The following SAMD7 variants were observed in gnomAD, a reference collection of about 807,000 sequenced individuals.
The protein encoded by SAMD7 is sterile alpha motif domain-containing protein 7.
In SAMD7, 34 loss-of-function variants were observed where a neutral mutation model predicts 36.7. The ratio of observed to expected loss-of-function variants is 0.93; its 90% CI spans 0.71 to 1.23. The LOEUF is 1.23. Among genes scored for constraint, SAMD7 ranks in the 50% most tolerant of loss-of-function variants. SAMD7 has a pLI of 0.00. For missense variants in SAMD7, 570 were observed against 546.6 expected (o/e 1.04, Z -0.43); for synonymous variants, 188 against 189.7 (o/e 0.99, Z 0.07).
rs749095460 is a variant in SAMD7, at chr3:169,926,774, C to T, written c.512C>T (p.Pro171Leu). The T allele has an allele frequency of 1.9e-6, 3 of 1,613,792 alleles. No individual in the cohort carries two copies. The highest frequency in any genetic ancestry group is 2.5e-6 in the Non-Finnish European group (3 of 1,179,996). ...AACCCCATGCTAGCGGCAACTGCAC[C>T]ACACTTTGAGGAGAGCTGGGGGCAG... is the stretch of plus-strand genomic sequence containing the variant. ...QGNPMLAATA[P>L]HFEESWGQRC... The change falls in exon 6 of 9, where the codon CCA becomes CTA. Residue 171 changes from proline (P) to leucine (L), a missense_variant. Physicochemically the swap from Pro to Leu is moderately conservative, Grantham distance 98. Coordinates refer to ENST00000335556, the MANE Select transcript of SAMD7 (RefSeq NM_001304366.2).
chr3:169,912,982 TA>T (rs1215316269), intron 1 of SAMD7, among the ~76,000 whole-genome samples: 2 of 152,112 alleles, frequency 1.3e-5, no homozygotes, highest in African/African-American at 2.4e-5. Flanking sequence ...AAAACATAAG[TA>T]GGAGGAATTA....
chr3:169,917,339 G>A (rs1303398915), intron 2 of SAMD7, among the ~76,000 whole-genome samples: 1 of 152,078 alleles, frequency 6.6e-6, no homozygotes, highest in Non-Finnish European at 1.5e-5. Context: ...ACTTTGAAAA[G>A]CAGAACATTT....
In SAMD7 at chr3:169,926,181, CT is replaced by C. The variant is rs1348261418; in HGVS notation, c.291-369del. ...ATTGAGACTTGCAATGTCTAATTGT[CT>C]TTCTTGAATCTCACTAAGATTATTT... On this transcript the variant is annotated intron_variant, in intron 5 of 8. Coordinates refer to ENST00000335556, the MANE Select transcript of SAMD7 (RefSeq NM_001304366.2). The C allele has an allele frequency of 4.8e-5, 41 of 861,026 alleles. No homozygotes were observed. In the East Asian group the frequency reaches 2.4e-3, roughly 50 times the overall value. 53.3% of individuals were successfully genotyped at this position (861,026 alleles called of 1,614,324 possible).
intron 4 of SAMD7, among the ~76,000 whole-genome samples, chr3:169,923,276 G>T (rs1321378486): frequency 6.6e-6 from 1 of 152,200 alleles, no homozygotes; most frequent in Non-Finnish European, 1.5e-5. Context: ...TAACTGCAGT[G>T]AGAGCAAGCA....
At chr3:169,935,475 T>TATCTA (rs1713684298) in intron 7 of SAMD7, among the ~76,000 whole-genome samples, 1 of 152,108 alleles carries the variant, frequency 6.6e-6, no homozygotes, top group African/African-American at 2.4e-5. Flanking sequence ...AGGGAGTTCT[T>TATCTA]ATCTACTGGT....
At chr3:169,922,709 A>G (rs1323466233) in intron 4 of SAMD7, among the ~76,000 whole-genome samples, 1 of 152,172 alleles carries the variant, frequency 6.6e-6, no homozygotes, top group Non-Finnish European at 1.5e-5. Context: ...CCTGTTGGCC[A>G]TGCTGGTCTG....
intron 5 of SAMD7, chr3:169,926,333 T>G: frequency 7.4e-7 from 1 of 1,344,132 alleles, no homozygotes; most frequent in South Asian, 1.4e-5. Context: ...AAGGTAACAC[T>G]CTAAAGACTG....
rs1360987018 is a variant in SAMD7 at position 169,919,457 on chromosome 3, G to A, written c.-41-1G>A. 2.7e-6 allele frequency: 4 copies of A among 1,465,658 alleles called. No homozygotes were observed. Among genetic ancestry groups the A allele is most frequent in the Non-Finnish European group, 3.8e-6 (4 of 1,044,860 alleles). The allele number at this position is 1,465,658 out of a possible 1,614,324, so 90.8% of individuals were successfully genotyped here. On this transcript the variant is annotated splice_acceptor_variant, in intron 2 of 8. Coordinates refer to ENST00000335556, the MANE Select transcript of SAMD7 (RefSeq NM_001304366.2). LOFTEE classifies it low-confidence loss of function (5UTR_SPLICE). The stretch of plus-strand genomic sequence containing the variant: ...TAAAGTGTCTATCTGGTTCTTTTTA[G>A]AACTCCATTAGTGGCGAGAGATATT...
chr3:169,919,637 A>C (rs1311428911), intron 3 of SAMD7, 53 bp downstream of exon 3: 1 of 1,325,616 alleles, frequency 7.5e-7, no homozygotes, highest in African/African-American at 1.4e-5. Flanking sequence ...GACAATCATT[A>C]CGTTTTGGAA....
intron 2 of SAMD7, among the ~76,000 whole-genome samples, chr3:169,917,438 A>T (rs1712852556): frequency 6.6e-6 from 1 of 151,984 alleles, no homozygotes; most frequent in Non-Finnish European, 1.5e-5. Context: ...ATTTATTTTT[A>T]ATTTTTAATT....
Position 169,925,146 on chromosome 3 carries a change from C to T in SAMD7, c.290+10C>T, listed in dbSNP as rs1174728317. ...GGCATCATACTGCCAGGTAATTTGGCAATGTTGTTTTATTTATTCTCTATT... is the reference window on the plus strand; with the variant it reads ...GGCATCATACTGCCAGGTAATTTGGTAATGTTGTTTTATTTATTCTCTATT... On this transcript the variant is annotated intron_variant, in intron 5 of 8. Coordinates refer to ENST00000335556, the MANE Select transcript of SAMD7 (RefSeq NM_001304366.2). 1 of 1,586,622 alleles carries T rather than the reference C, an allele frequency of 6.3e-7. No individual in the cohort carries two copies. Among genetic ancestry groups the T allele is most frequent in the East Asian group, 2.2e-5 (1 of 44,506 alleles).
At position 169,926,808 on chromosome 3, in the gene SAMD7, T is replaced by C. The variant is rs142003969; in HGVS notation, c.546T>C (p.Arg182=). 11 of 1,613,580 alleles carry C rather than the reference T, an allele frequency of 6.8e-6. No homozygotes were observed. The African/African-American group carries it at 1.1e-4, about 16-fold the overall frequency. ...AGGAGAGCTGGGGGCAGAGATGTCG[T>C]CGACTCAGGAAAAATACAGGGAATC... ...HFEESWGQRC[R]RLRKNTGNQK... is the part of the protein sequence containing the mutation. Residue 182 remains arginine, a synonymous_variant, in exon 6 of 9, where the codon CGT becomes CGC. Coordinates refer to ENST00000335556, the MANE Select transcript of SAMD7 (RefSeq NM_001304366.2).
intron 2 of SAMD7, among the ~76,000 whole-genome samples, chr3:169,919,050 G>A (rs982398978): frequency 6.6e-6 from 1 of 152,168 alleles, no homozygotes; most frequent in African/African-American, 2.4e-5. Flanking sequence ...GGAGGCTGAG[G>A]CAGGAGAATG....
chr3:169,919,610 G>A, intron 3 of SAMD7, 26 bp downstream of exon 3: 1 of 1,507,292 alleles, frequency 6.6e-7, no homozygotes, highest in Middle Eastern at 1.7e-4. Context: ...ATAATAGTTT[G>A]ATCAAAGAAC....
chr3:169,931,810 G>A (rs1427339211), intron 7 of SAMD7, among the ~76,000 whole-genome samples: 2 of 152,130 alleles, frequency 1.3e-5, no homozygotes, highest in Admixed American at 6.5e-5. Flanking sequence ...CTCCTCGGGG[G>A]CCATGCTGCA....
chr3:169,934,424 T>A (rs6444882), intron 7 of SAMD7, among the ~76,000 whole-genome samples: 42,512 of 151,302 alleles, frequency 0.28, 6,328 homozygotes, highest in African/African-American at 0.39. Context: ...GCAACAATCC[T>A]CACAAAAAAA....
intron 7 of SAMD7, among the ~76,000 whole-genome samples, chr3:169,935,981 C>CTCAT (rs1482912612): frequency 6.6e-6 from 1 of 152,188 alleles, no homozygotes; most frequent in Non-Finnish European, 1.5e-5. Flanking sequence ...ACAGCATTTA[C>CTCAT]TCATTCATTC....
intron 7 of SAMD7, among the ~76,000 whole-genome samples, chr3:169,930,788 G>A (rs1040373863): frequency 6.6e-6 from 1 of 151,746 alleles, no homozygotes; most frequent in African/African-American, 2.4e-5. Context: ...TCATCGTGTT[G>A]GCCAGGCTGG....
chr3:169,914,129 A>G (rs1712706597), intron 1 of SAMD7, among the ~76,000 whole-genome samples: 1 of 152,210 alleles, frequency 6.6e-6, no homozygotes, highest in Non-Finnish European at 1.5e-5. Flanking sequence ...GTGTCAGTGT[A>G]GCTTAACTGA....
Sources: gnomAD v4.1 joint callset for allele counts (sites outside exome capture counted in the v4.1 genomes callset) on GRCh38, gnomAD v4.1.1 for gene constraint, MANE v1.5 for transcripts, NCBI Gene and HGNC (gene_info 2026-07-23, HGNC 2026-07-21) for gene names.